The following SNTG1 variants were observed in gnomAD, a reference collection of about 807,000 sequenced individuals.
SNTG1 encodes the protein syntrophin gamma 1.
Under a neutral mutation model 74.7 loss-of-function variants are expected in SNTG1, and 39 were observed. The ratio of observed to expected loss-of-function variants is 0.52; its 90% CI spans 0.40 to 0.68. The LOEUF (loss-of-function observed/expected upper bound fraction) is 0.68, where lower values mean the gene tolerates loss of function less well. Among genes scored for constraint, SNTG1 ranks in the 30% least tolerant of loss-of-function variants. SNTG1 has a pLI of 0.00. For missense variants in SNTG1, 685 were observed against 609.5 expected, an observed-to-expected ratio of 1.12 and a Z score of -1.30; for synonymous variants, 254 against 217.1, an observed-to-expected ratio of 1.17 and a Z score of -1.49.
chr8:50,403,085 T>C lies in SNTG1; in HGVS notation c.162+741T>C, dbSNP rs556103757. Among the ~76,000 whole-genome samples the C allele has an allele frequency of 4.6e-5, 7 of 152,352 alleles. No homozygotes were observed. The East Asian group carries it at 1.4e-3, about 29-fold the overall frequency. ...ATCATTCATTGTATAATAATGCTAT[T>C]AAAGGCTTCTTTTTAGCAATGTTGC... On this transcript the variant is annotated intron_variant, in intron 4 of 18. Coordinates refer to ENST00000642720, the MANE Select transcript of SNTG1 (RefSeq NM_018967.5).
intron 13 of SNTG1, among the ~76,000 whole-genome samples, chr8:50,597,302 T>C (rs2094734706): frequency 6.7e-6 from 1 of 150,250 alleles, no homozygotes; most frequent in Non-Finnish European, 1.5e-5. Flanking sequence ...CACACACATA[T>C]ATATACATAT....
At chr8:50,309,399 T>C (rs1460691385) in intron 2 of SNTG1, among the ~76,000 whole-genome samples, 1 of 152,088 alleles carries the variant, frequency 6.6e-6, no homozygotes, top group South Asian at 2.1e-4. Flanking sequence ...AATGTACTGA[T>C]TATTTCAAGA....
intron 1 of SNTG1, among the ~76,000 whole-genome samples, chr8:49,948,722 T>G (rs983589422): frequency 6.6e-6 from 1 of 152,196 alleles, no homozygotes; most frequent in Non-Finnish European, 1.5e-5. Flanking sequence ...CATTCATGAT[T>G]GATGCCTAAA....
intron 18 of SNTG1, among the ~76,000 whole-genome samples, chr8:50,776,125 A>G (rs1425439830): frequency 6.6e-6 from 1 of 151,096 alleles, no homozygotes; most frequent in Non-Finnish European, 1.5e-5. Context: ...CATATTTATA[A>G]TTATATATTT....
intron 15 of SNTG1, among the ~76,000 whole-genome samples, chr8:50,662,703 CA>C (rs1395194407): frequency 3.3e-5 from 5 of 151,932 alleles, no homozygotes; most frequent in African/African-American, 1.2e-4. Context: ...GATGAGAGAG[CA>C]AAGGTTTCAG....
intron 18 of SNTG1, among the ~76,000 whole-genome samples, chr8:50,773,623 C>T (rs533444649): frequency 1.7e-4 from 26 of 152,188 alleles, no homozygotes; most frequent in Non-Finnish European, 3.8e-4. Context: ...CAAACTGCAA[C>T]AGCATCAGAC....
chr8:50,663,459 G>C (rs527472151), intron 15 of SNTG1, among the ~76,000 whole-genome samples: 23 of 152,158 alleles, frequency 1.5e-4, no homozygotes, highest in African/African-American at 5.5e-4. Flanking sequence ...CATGGACAGC[G>C]GGCTAGGAGG....
chr8:50,453,487 A>G (rs2131637163), intron 8 of SNTG1, among the ~76,000 whole-genome samples: 1 of 152,324 alleles, frequency 6.6e-6, no homozygotes, highest in Middle Eastern at 3.4e-3. Context: ...CTTGGCATGC[A>G]GCATGGTGCA....
At chr8:50,772,121 G>A (rs2095628714) in intron 18 of SNTG1, among the ~76,000 whole-genome samples, 2 of 151,866 alleles carry the variant, frequency 1.3e-5, no homozygotes, top group Admixed American at 6.6e-5. Context: ...GAGCTACTGG[G>A]GCCACCATTG....
intron 1 of SNTG1, among the ~76,000 whole-genome samples, chr8:49,987,672 G>A (rs1340971605): frequency 2.6e-5 from 3 of 115,326 alleles, no homozygotes; most frequent in African/African-American, 7.1e-5. Flanking sequence ...TTTTTGAAAC[G>A]GAGTCTGGCA....
intron 1 of SNTG1, among the ~76,000 whole-genome samples, chr8:49,940,252 G>A (rs1212292606): frequency 1.3e-5 from 2 of 152,164 alleles, no homozygotes; most frequent in Non-Finnish European, 2.9e-5. Context: ...GAGCAGGGAT[G>A]TGCAAAATGC....
intron 13 of SNTG1, among the ~76,000 whole-genome samples, chr8:50,621,763 A>AC (rs527960066): frequency 1.0e-3 from 152 of 152,330 alleles, no homozygotes; most frequent in Middle Eastern, 3.4e-3. Flanking sequence ...TTAGAAATCA[A>AC]CTTGGAAATG....
chr8:50,131,831 C>T (rs1332684629), intron 1 of SNTG1, among the ~76,000 whole-genome samples: 3 of 151,994 alleles, frequency 2.0e-5, no homozygotes, highest in African/African-American at 7.2e-5. Context: ...TCTTCACATC[C>T]TTCCCAACAC....
chr8:50,304,722 T>G (rs1365504744), intron 2 of SNTG1, among the ~76,000 whole-genome samples: 1 of 152,180 alleles, frequency 6.6e-6, no homozygotes, highest in African/African-American at 2.4e-5. Context: ...TCTGAGCAGA[T>G]AGCTTTTTCA....
intron 1 of SNTG1, among the ~76,000 whole-genome samples, chr8:50,078,041 CT>C (rs1423283499): frequency 6.6e-6 from 1 of 152,100 alleles, no homozygotes; most frequent in Non-Finnish European, 1.5e-5. Flanking sequence ...AATTAAGGGA[CT>C]TTCCCAATTT....
At chr8:50,404,097 A>G (rs2092839734) in intron 4 of SNTG1, among the ~76,000 whole-genome samples, 1 of 152,146 alleles carries the variant, frequency 6.6e-6, no homozygotes, top group Non-Finnish European at 1.5e-5. Context: ...GTTGCTGAGA[A>G]TAAGGACAAT....
At chr8:50,420,398 T>C (rs1587555726) in intron 4 of SNTG1, among the ~76,000 whole-genome samples, 2 of 151,924 alleles carry the variant, frequency 1.3e-5, no homozygotes, top group South Asian at 4.1e-4. Context: ...AGGAAAAAAA[T>C]TGTCAATCCA....
chr8:50,645,049 C>T (rs1168159245), intron 13 of SNTG1, among the ~76,000 whole-genome samples: 1 of 152,016 alleles, frequency 6.6e-6, no homozygotes, highest in East Asian at 1.9e-4. Context: ...AGCCACCCTG[C>T]CATCCCTCAG....
At chr8:50,283,228 A>G (rs1207473921) in intron 2 of SNTG1, among the ~76,000 whole-genome samples, 2 of 152,228 alleles carry the variant, frequency 1.3e-5, no homozygotes, top group African/African-American at 4.8e-5. Flanking sequence ...ATCTTGGGTT[A>G]GCAATTTTAT....
Sources: gnomAD v4.1 joint callset for allele counts (sites outside exome capture counted in the v4.1 genomes callset) on GRCh38, gnomAD v4.1.1 for gene constraint, MANE v1.5 for transcripts, NCBI Gene and HGNC (gene_info 2026-07-23, HGNC 2026-07-21) for gene names.